The following NCAM2 variants were observed in gnomAD, a reference collection of about 807,000 sequenced individuals.
The protein encoded by NCAM2 is N-CAM-2.
In NCAM2, 30 loss-of-function variants were observed where a neutral mutation model predicts 98.1. That is an observed-to-expected ratio of 0.31 (90% confidence interval 0.23 to 0.41). NCAM2 has a LOEUF of 0.41. Ranked by LOEUF, NCAM2 falls within the 10% of genes least tolerant of loss-of-function variation. The probability of loss-of-function intolerance (pLI) is 1.00; values close to 1 mark genes in which losing one functional copy is unlikely to be tolerated. For missense variants in NCAM2, 867 were observed against 1,005.8 expected, an observed-to-expected ratio of 0.86 and a Z score of 1.87; for synonymous variants, 368 against 342.4, an observed-to-expected ratio of 1.07 and a Z score of -0.83.
intron 6 of NCAM2, among the ~76,000 whole-genome samples, chr21:21,333,100 T>C (rs2074761185): frequency 6.6e-6 from 1 of 152,176 alleles, no homozygotes; most frequent in African/African-American, 2.4e-5. Context: ...TTTTTAGACG[T>C]TGACATTTCA....
chr21:21,066,508 G>A (rs2065440764), intron 1 of NCAM2, among the ~76,000 whole-genome samples: 2 of 152,016 alleles, frequency 1.3e-5, no homozygotes, highest in Admixed American at 1.3e-4. Context: ...TTGGCATTAT[G>A]GGACACAGCT....
At chr21:21,236,988 T>C (rs1346731903) in intron 1 of NCAM2, among the ~76,000 whole-genome samples, 2 of 152,160 alleles carry the variant, frequency 1.3e-5, no homozygotes, top group African/African-American at 2.4e-5. Context: ...TTTTCTGTCT[T>C]TTTATTTTCC....
At chr21:21,186,792 A>G (rs944811256) in intron 1 of NCAM2, among the ~76,000 whole-genome samples, 2 of 152,224 alleles carry the variant, frequency 1.3e-5, no homozygotes, top group Admixed American at 6.5e-5. Flanking sequence ...ATACATTGAA[A>G]AAAGAACAGA....
At position 21,509,014 on chromosome 21, in the gene NCAM2, T is replaced by C; in HGVS notation, c.2241T>C (p.Ser747=). 1 of 1,613,522 alleles carries C rather than the reference T, an allele frequency of 6.2e-7. No individual in the cohort carries two copies. Among genetic ancestry groups the C allele is most frequent in the Non-Finnish European group, 8.5e-7 (1 of 1,179,748 alleles). The part of the protein sequence containing the change: ...RRMCGKKSGS[S]GKSKELEEGK... The stretch of plus-strand genomic sequence containing the variant: ...TGTGTGGAAAGAAAAGTGGCTCCAG[T>C]GGCAAAAGTAAAGAACTCGAAGAAG... The change falls in exon 16 of 18, where the codon AGT becomes AGC. Residue 747 remains serine, a synonymous_variant. Coordinates refer to ENST00000400546, the MANE Select transcript of NCAM2 (RefSeq NM_004540.5).
intron 1 of NCAM2, among the ~76,000 whole-genome samples, chr21:21,069,040 A>C (rs1159993803): frequency 6.6e-6 from 1 of 152,168 alleles, no homozygotes; most frequent in Non-Finnish European, 1.5e-5. Context: ...AACTGATTTT[A>C]TAAGATAATG....
At chr21:21,329,145 G>T (rs981012033) in intron 6 of NCAM2, among the ~76,000 whole-genome samples, 11 of 151,848 alleles carry the variant, frequency 7.2e-5, no homozygotes, top group Non-Finnish European at 1.5e-5. Context: ...AGTAGAGACG[G>T]GTTTCACCAT....
intron 5 of NCAM2, among the ~76,000 whole-genome samples, chr21:21,296,425 G>A (rs1299871467): frequency 8.7e-6 from 1 of 114,966 alleles, no homozygotes; most frequent in Non-Finnish European, 2.0e-5. Flanking sequence ...AGCATAAGTT[G>A]TGAAAAAATC....
chr21:21,453,020 TATAATATATAAAA>T (rs1569080066), intron 12 of NCAM2, among the ~76,000 whole-genome samples: 2 of 106,684 alleles, frequency 1.9e-5, no homozygotes, highest in South Asian at 2.4e-4. Context: ...TATAAAAATA[TATAATATATAAAA>T]ATAATATATA....
chr21:21,157,359 T>G (rs1356926147), intron 1 of NCAM2, among the ~76,000 whole-genome samples: 3 of 152,182 alleles, frequency 2.0e-5, no homozygotes, highest in Non-Finnish European at 2.9e-5. Flanking sequence ...CGTTATAGTC[T>G]TAACTATATT....
chr21:21,452,960 T>C (rs1981469977), intron 12 of NCAM2, among the ~76,000 whole-genome samples: 1 of 35,332 alleles, frequency 2.8e-5, no homozygotes, highest in South Asian at 4.6e-4. Context: ...CTATATATTA[T>C]ATATTATATA....
intron 9 of NCAM2, among the ~76,000 whole-genome samples, chr21:21,401,910 A>G (rs1029518350): frequency 9.8e-5 from 15 of 152,306 alleles, no homozygotes; most frequent in African/African-American, 3.4e-4. Context: ...CAAATTGTGA[A>G]GATTTCATGG....
intron 1 of NCAM2, among the ~76,000 whole-genome samples, chr21:21,174,922 G>A (rs994254717): frequency 1.3e-5 from 2 of 152,052 alleles, no homozygotes; most frequent in Non-Finnish European, 2.9e-5. Flanking sequence ...AGCTTTCTAA[G>A]GAGTGGGAAT....
intron 1 of NCAM2, among the ~76,000 whole-genome samples, chr21:21,081,289 G>A (rs184477285): frequency 2.6e-5 from 4 of 152,186 alleles, no homozygotes; most frequent in Middle Eastern, 3.4e-3. Flanking sequence ...AGATCTTGTC[G>A]GGAAGCTACT....
chr21:21,260,676 C>G (rs1165348071), intron 1 of NCAM2, among the ~76,000 whole-genome samples: 2 of 152,102 alleles, frequency 1.3e-5, no homozygotes, highest in Non-Finnish European at 2.9e-5. Context: ...TTGTCACCAC[C>G]AGACCACCAC....
chr21:21,006,543 C>T (rs933569394), intron 1 of NCAM2, among the ~76,000 whole-genome samples: 6 of 152,128 alleles, frequency 3.9e-5, no homozygotes, highest in African/African-American at 1.4e-4. Context: ...TCGATCCATA[C>T]ATGATTTTCT....
At chr21:21,520,558 A>T (rs1988958226) in intron 16 of NCAM2, among the ~76,000 whole-genome samples, 1 of 152,230 alleles carries the variant, frequency 6.6e-6, no homozygotes, top group Admixed American at 6.5e-5. Context: ...GTGACAAAAC[A>T]AACCAAAACA....
intron 1 of NCAM2, among the ~76,000 whole-genome samples, chr21:21,254,978 TGTATA>T (rs1166660033): frequency 6.3e-5 from 9 of 142,698 alleles, no homozygotes; most frequent in Non-Finnish European, 7.8e-5. Context: ...TGTGTGTGTG[TGTATA>T]ATGTTTATAT....
At chr21:21,440,983 C>A (rs1419670513) in intron 12 of NCAM2, among the ~76,000 whole-genome samples, 1 of 152,140 alleles carries the variant, frequency 6.6e-6, no homozygotes, top group African/African-American at 2.4e-5. Context: ...CTCGAATTAG[C>A]AGGGTTTCAA....
At chr21:21,495,161 A>G (rs1987133439) in intron 15 of NCAM2, among the ~76,000 whole-genome samples, 1 of 151,964 alleles carries the variant, frequency 6.6e-6, no homozygotes, top group African/African-American at 2.4e-5. Flanking sequence ...CCAAATAAAT[A>G]TATAGAGAAT....
Sources: allele counts gnomAD v4.1 joint callset (sites outside exome capture counted in the v4.1 genomes callset), GRCh38; gene constraint gnomAD v4.1.1; transcripts MANE v1.5; gene names NCBI Gene and HGNC (gene_info 2026-07-23, HGNC 2026-07-21).